NLE1: variants seen among roughly 807,000 people sequenced by gnomAD.
NLE1 encodes notchless protein homolog 1.
A neutral mutation model predicts 62.8 loss-of-function variants in NLE1; 37 were observed. The observed-to-expected ratio is 0.59, with a 90% CI of 0.45 to 0.78. The LOEUF (loss-of-function observed/expected upper bound fraction) is 0.78. Among genes scored for constraint, NLE1 ranks in the 30% least tolerant of loss-of-function variants. NLE1 has a pLI of 0.00. For missense variants in NLE1, 555 were observed against 637.9 expected, an observed-to-expected ratio of 0.87 and a Z score of 1.40; for synonymous variants, 243 against 253.0, an observed-to-expected ratio of 0.96 and a Z score of 0.37.
In NLE1 at chr17:35,137,004, A is replaced by G. The variant is rs987859799; in HGVS notation, c.825T>C (p.His275=). The change falls in exon 7 of 13, where the codon CAT becomes CAC. Residue 275 remains histidine (H), a synonymous_variant. Transcript: ENST00000442241. ...QDRTIKVWRA[H]DGVLCRTLQG... ...TCTGAACCCTCCCAGCACTTACGTCATGAGCTCTCCAGACTTTGATGGTGC... is the reference window on the plus strand; with the variant it reads ...TCTGAACCCTCCCAGCACTTACGTCGTGAGCTCTCCAGACTTTGATGGTGC... The G allele has an allele frequency of 1.9e-6, 3 of 1,597,248 alleles. No homozygotes were observed. Among genetic ancestry groups the G allele is most frequent in the South Asian group, 2.2e-5 (2 of 90,398 alleles).
rs754319633 is a variant in NLE1, at chr17:35,136,124, G to A, written c.1011+45C>T. On this transcript the variant is annotated intron_variant, in intron 9 of 12. Transcript: ENST00000442241. The stretch of plus-strand genomic sequence containing the variant: ...TGAGAGGGTTTTAGTGATTGGCTAA[G>A]GACTGGTACAGAGCTAGGGGTGCAC... 6 of 1,604,918 alleles carry A rather than the reference G, an allele frequency of 3.7e-6. No homozygotes were observed. In the African/African-American group the frequency reaches 6.7e-5, roughly 18 times the overall value.
rs752487087 is a variant in NLE1, at chr17:35,132,488, CT to C, written c.1446-40del. On this transcript the variant is annotated intron_variant, in intron 12 of 12. Transcript: ENST00000442241. The stretch of plus-strand genomic sequence containing the variant: ...AAGGGTGTCAGGATGGGGATTCCAC[CT>C]TAGGAAAGGGAGGCCGTCATATAAT... 2.2e-6 allele frequency: 3 copies of C among 1,347,976 alleles called. No homozygotes were observed. The Admixed American group carries it at 1.1e-4, about 48-fold the overall frequency. The allele number at this position is 1,347,976 out of a possible 1,614,324, so 83.5% of individuals were successfully genotyped here.
At chr17:35,136,603 A>G in intron 7 of NLE1, 106 bp from the exon 8 acceptor site, 1 of 1,374,190 alleles carries the variant, frequency 7.3e-7, no homozygotes, top group South Asian at 1.4e-5. Flanking sequence ...TCACTCATGC[A>G]TTGTGATCTT....
In NLE1 at chr17:35,130,219, C is replaced by CAG. The variant is rs994347819; in HGVS notation, c.*2216_*2217dup. ...ACAGAAAAAAAAGGGGTGATAGAGA[C>CAG]AGAGAGAGAGCCAGGTTCAGATCTG... On this transcript the variant is annotated 3_prime_UTR_variant, in exon 13 of 13. Transcript: ENST00000442241. 1 of 1,579,276 alleles carries CAG rather than the reference C, an allele frequency of 6.3e-7. No individual in the cohort carries two copies. The highest frequency in any genetic ancestry group is 1.4e-5 in the African/African-American group (1 of 73,592).
intron 4 of NLE1, 53 bp downstream of exon 4, chr17:35,139,182 G>T: frequency 6.7e-7 from 1 of 1,495,886 alleles, no homozygotes; most frequent in South Asian, 1.1e-5. Flanking sequence ...AACAGAGCAA[G>T]ACCTTGTCTC....
rs756293836 is a variant in NLE1 at position 35,133,257 on chromosome 17, G to A, written c.1375-16C>T. 6.2e-7 allele frequency: 1 copy of A among 1,614,180 alleles called. No homozygotes were observed. The highest frequency in any genetic ancestry group is 8.5e-7 in the Non-Finnish European group (1 of 1,180,002). On this transcript the variant is annotated splice_polypyrimidine_tract_variant and intron_variant, in intron 11 of 12. Transcript: ENST00000442241. ...CAGCATATACCTAAAGGGAGGCAGA[G>A]GAAGGCAGGTGGGGTGGTGAGAGGG...
Position 35,130,533 on chromosome 17 carries a change from G to A in NLE1, c.*1904C>T, listed in dbSNP as rs879838588. Reference sequence around the variant, plus strand: ...ACCTACCATACCACCAGCACCCTGCGGGCCCGGGGTCTGGCAGAGTGGTAT... The same window carrying A: ...ACCTACCATACCACCAGCACCCTGCAGGCCCGGGGTCTGGCAGAGTGGTAT... On this transcript the variant is annotated 3_prime_UTR_variant, in exon 13 of 13. Transcript: ENST00000442241. The A allele has an allele frequency of 7.4e-5, 97 of 1,313,454 alleles. No homozygotes were observed. In the Middle Eastern group the frequency reaches 1.3e-3, roughly 17 times the overall value. 81.4% of individuals were successfully genotyped at this position (1,313,454 alleles called of 1,614,324 possible).
At chr17:35,134,547 G>A (rs186434142) in intron 10 of NLE1, among the ~76,000 whole-genome samples, 16 of 152,112 alleles carry the variant, frequency 1.1e-4, no homozygotes, top group Admixed American at 4.6e-4. Flanking sequence ...TTATAGGCAC[G>A]TGCCACTATG....
Position 35,130,531 on chromosome 17 carries a change from G to A in NLE1, c.*1906C>T, listed in dbSNP as rs2091870664. The A allele has an allele frequency of 7.5e-6, 10 of 1,328,758 alleles. No individual in the cohort carries two copies. The highest frequency in any genetic ancestry group is 8.2e-6 in the Non-Finnish European group (8 of 970,944). The allele number at this position is 1,328,758 out of a possible 1,614,324, so 82.3% of individuals were successfully genotyped here. ...AGACCTACCATACCACCAGCACCCT[G>A]CGGGCCCGGGGTCTGGCAGAGTGGT... is the stretch of plus-strand genomic sequence containing the variant. On this transcript the variant is annotated 3_prime_UTR_variant, in exon 13 of 13. Coordinates refer to ENST00000442241, the MANE Select transcript of NLE1 (RefSeq NM_018096.5).
rs1314090893 is a variant in NLE1, at chr17:35,137,640, T to A, written c.538A>T (p.Ile180Phe). ...KLASGCKNGQ[I>F]LLWDPSTGKQ... is the part of the protein sequence containing the mutation. ...CCTGTGCTTGGGTCCCAGAGGAGAA[T>A]CTGAAGGACAGAAGCTCACTGAATA... Residue 180 changes from isoleucine (I) to phenylalanine (F), a missense_variant and splice_region_variant, in exon 6 of 13, where the codon ATT becomes TTT. By Grantham distance (21) the Ile-to-Phe change is conservative. Transcript: ENST00000442241. 1 of 1,609,202 alleles carries A rather than the reference T, an allele frequency of 6.2e-7. No individual in the cohort carries two copies. The highest frequency in any genetic ancestry group is 1.7e-5 in the Admixed American group (1 of 59,996).
At position 35,130,211 on chromosome 17, in the gene NLE1, G is replaced by T; in HGVS notation, c.*2226C>A. 6.4e-7 allele frequency: 1 copy of T among 1,563,364 alleles called. No homozygotes were observed. ...GTCAGCAGACAGAAAAAAAAGGGGT[G>T]ATAGAGACAGAGAGAGAGCCAGGTT... On this transcript the variant is annotated 3_prime_UTR_variant, in exon 13 of 13. Coordinates refer to ENST00000442241, the MANE Select transcript of NLE1 (RefSeq NM_018096.5).
Position 35,129,733 on chromosome 17 carries a change from G to A in NLE1, c.*2704C>T. On this transcript the variant is annotated 3_prime_UTR_variant, in exon 13 of 13. Transcript: ENST00000442241. ...CAGGGAACCAGGGCTTTGGAGGTTGGGAACACCCCTATGCCCACATGACTC... is the reference window on the plus strand; with the variant it reads ...CAGGGAACCAGGGCTTTGGAGGTTGAGAACACCCCTATGCCCACATGACTC... 6.4e-7 allele frequency: 1 copy of A among 1,550,908 alleles called. No individual in the cohort carries two copies.
Position 35,139,917 on chromosome 17 carries a change from A to G in NLE1, c.312T>C (p.Thr104=). 6.2e-7 allele frequency: 1 copy of G among 1,614,132 alleles called. No individual in the cohort carries two copies. Among genetic ancestry groups the G allele is most frequent in the Non-Finnish European group, 8.5e-7 (1 of 1,180,042 alleles). The part of the protein sequence containing the change: ...PQAIFRVRAV[T]RCTSSLEGHS... ...GACCCTCCAAGGAGCTGGTGCAGCGAGTCACAGCCCGGACTCTGAAGATAG... is the reference window on the plus strand; with the variant it reads ...GACCCTCCAAGGAGCTGGTGCAGCGGGTCACAGCCCGGACTCTGAAGATAG... Residue 104 remains threonine (T), a synonymous_variant, in exon 3 of 13, where the codon ACT becomes ACC. Transcript: ENST00000442241.
In NLE1 at chr17:35,130,312, T is replaced by C; in HGVS notation, c.*2125A>G. On this transcript the variant is annotated 3_prime_UTR_variant, in exon 13 of 13. Transcript: ENST00000442241. ...AACCCTGGCCACTGACTTCAGCAGC[T>C]TTCCTGAGAACTACCCCATCCAGAT... The C allele has an allele frequency of 6.2e-7, 1 of 1,614,056 alleles. No individual in the cohort carries two copies. The highest frequency in any genetic ancestry group is 8.5e-7 in the Non-Finnish European group (1 of 1,179,972).
At chr17:35,132,665 C>T (rs1294375209) in intron 12 of NLE1, among the ~76,000 whole-genome samples, 1 of 152,158 alleles carries the variant, frequency 6.6e-6, no homozygotes, top group Non-Finnish European at 1.5e-5. Context: ...CTCGGGATGC[C>T]CACCAGCAAA....
rs146056227 is a variant in NLE1, at chr17:35,135,402, A to C, written c.1061T>G (p.Phe354Cys). 2 of 1,614,058 alleles carry C rather than the reference A, an allele frequency of 1.2e-6. No homozygotes were observed. Among genetic ancestry groups the C allele is most frequent in the African/African-American group, 2.7e-5 (2 of 74,920 alleles). ...TTTGTCCTCTGCTGGGGACCACAGG[A>C]ATAAGGTGAAGTCGTCGGAGCCAGA... ...LVSGSDDFTL[F>C]LWSPAEDKKP... Residue 354 changes from phenylalanine (F) to cysteine (C), a missense_variant, in exon 10 of 13, where the codon TTC (phenylalanine) becomes TGC (cysteine). Transcript: ENST00000442241.
Position 35,130,206 on chromosome 17 carries a change from G to C in NLE1, c.*2231C>G. 1 of 1,544,766 alleles carries C rather than the reference G, an allele frequency of 6.5e-7. No individual in the cohort carries two copies. The highest frequency in any genetic ancestry group is 2.3e-5 in the East Asian group (1 of 44,226). ...TCTGAGTCAGCAGACAGAAAAAAAA[G>C]GGGTGATAGAGACAGAGAGAGAGCC... On this transcript the variant is annotated 3_prime_UTR_variant, in exon 13 of 13. Coordinates refer to ENST00000442241, the MANE Select transcript of NLE1 (RefSeq NM_018096.5).
chr17:35,137,178 G>T lies in NLE1; in HGVS notation c.651C>A (p.Arg217=). 6.2e-7 allele frequency: 1 copy of T among 1,608,842 alleles called. No homozygotes were observed. Among genetic ancestry groups the T allele is most frequent in the Non-Finnish European group, 8.5e-7 (1 of 1,175,964 alleles). Residue 217 remains arginine, a synonymous_variant, in exon 7 of 13, where the codon CGC becomes CGA. Coordinates refer to ENST00000442241, the MANE Select transcript of NLE1 (RefSeq NM_018096.5). ...WEPLHANPEC[R]YVASSSKDGS... ...CATCCTTGGAGCTGCTGGCCACATA[G>T]CGGCACTCAGGGTTCCTGGAGAGAA...
In NLE1 at chr17:35,128,896, G is replaced by A. The variant is rs1225031681; in HGVS notation, c.*3541C>T. The A allele has an allele frequency of 1.2e-5, 2 of 169,078 alleles. No homozygotes were observed. The highest frequency in any genetic ancestry group is 1.8e-4 in the South Asian group (1 of 5,710). 10.5% of individuals were successfully genotyped at this position (169,078 alleles called of 1,614,324 possible). ...AGGGTCCCATTTGGGGGTGATGGGA[G>A]ACAATGACAGATCATCAGGCATTAG... is the stretch of plus-strand genomic sequence containing the variant. On this transcript the variant is annotated 3_prime_UTR_variant, in exon 13 of 13. Coordinates refer to ENST00000442241, the MANE Select transcript of NLE1 (RefSeq NM_018096.5).
Sources: allele counts gnomAD v4.1 joint callset (sites outside exome capture counted in the v4.1 genomes callset), GRCh38; gene constraint gnomAD v4.1.1; transcripts MANE v1.5; gene names NCBI Gene and HGNC (gene_info 2026-07-23, HGNC 2026-07-21).